Variants in SFSWAP observed in about 807,000 individuals in gnomAD.
The protein encoded by SFSWAP is splicing factor SWAP, also known as splicing factor, suppressor of white-apricot homolog.
A neutral mutation model predicts 100.7 loss-of-function variants in SFSWAP; 17 were observed. The ratio of observed to expected loss-of-function variants is 0.17; its 90% CI spans 0.12 to 0.25. The LOEUF is 0.25. SFSWAP is among the 10% of genes least tolerant of loss of function. The probability of loss-of-function intolerance (pLI) is 1.00; values close to 1 mark genes in which losing one functional copy is unlikely to be tolerated. For synonymous variants in SFSWAP, 504 were observed against 510.1 expected (o/e 0.99, Z 0.16); for missense variants, 1,005 against 1,262.6 (o/e 0.80, Z 3.09).
chr12:131,765,182 T>A (rs1883010125), intron 12 of SFSWAP, among the ~76,000 whole-genome samples: 1 of 152,264 alleles, frequency 6.6e-6, no homozygotes, highest in South Asian at 2.1e-4. Flanking sequence ...CCAACACTGC[T>A]GGCAGCATGG....
At position 131,725,787 on chromosome 12, in the gene SFSWAP, C is replaced by T. The variant is rs1348709854; in HGVS notation, c.832+157C>T. ...CTAGAATGTGTCTGAAATCCTGCAG[C>T]TAAGGCGTGATCGTTACCCCTGCTG... On this transcript the variant is annotated intron_variant, in intron 5 of 17. Transcript: ENST00000261674. This position sits in a 1 kb window ranked among gnomAD's most constrained non-coding sequence, Gnocchi z 4.3. Among the ~76,000 whole-genome samples the T allele has an allele frequency of 1.3e-5, 2 of 152,142 alleles. No homozygotes were observed. Among genetic ancestry groups the T allele is most frequent in the African/African-American group, 2.4e-5 (1 of 41,432 alleles).
intron 7 of SFSWAP, among the ~76,000 whole-genome samples, chr12:131,738,047 C>G (rs949659484): frequency 6.6e-6 from 1 of 151,822 alleles, no homozygotes; most frequent in Non-Finnish European, 1.5e-5. Context: ...ACTGTGATAG[C>G]CTGTGGGTTT....
At chr12:131,713,920 T>A in intron 1 of SFSWAP, 151 bp from the exon 2 acceptor site, 1 of 463,120 alleles carries the variant, frequency 2.2e-6, no homozygotes, top group African/African-American at 2.0e-5. Context: ...AATATAAATC[T>A]GGGAAGAGTT....
rs1271096721 is a variant in SFSWAP at position 131,711,777 on chromosome 12, C to T, written c.218+330C>T. 1 of 293,470 alleles carries T rather than the reference C, an allele frequency of 3.4e-6. No homozygotes were observed. Among genetic ancestry groups the T allele is most frequent in the Non-Finnish European group, 6.6e-6 (1 of 152,626 alleles). The allele number at this position is 293,470 out of a possible 1,614,324, so 18.2% of individuals were successfully genotyped here. On this transcript the variant is annotated intron_variant, in intron 1 of 17. Transcript: ENST00000261674. The surrounding 1 kb of genome is among the most constrained non-coding windows in gnomAD (Gnocchi z 4.9). ...AAGCAGCCAGTGCCCAGGGTCTTTT[C>T]CTGAGTGCACCTGGGCCTGCCGCCC... is the stretch of plus-strand genomic sequence containing the variant.
Position 131,794,713 on chromosome 12 carries a change from C to T in SFSWAP, c.2535-2465C>T, listed in dbSNP as rs1885506856. On this transcript the variant is annotated intron_variant, in intron 15 of 17. Coordinates refer to ENST00000261674, the MANE Select transcript of SFSWAP (RefSeq NM_004592.4). This position sits in a 1 kb window ranked among gnomAD's most constrained non-coding sequence, Gnocchi z 4.8. ...TGAGGAGCCTTCTGGAATGAAGGGA[C>T]GCCCCTGCGTGGATAAGGCCCAGGT... Among the ~76,000 whole-genome samples the T allele has an allele frequency of 6.6e-6, 1 of 152,174 alleles. No homozygotes were observed. The highest frequency in any genetic ancestry group is 1.5e-5 in the Non-Finnish European group (1 of 68,038).
chr12:131,787,305 G>A (rs555823884), intron 15 of SFSWAP, among the ~76,000 whole-genome samples: 7 of 152,264 alleles, frequency 4.6e-5, no homozygotes, highest in Admixed American at 3.9e-4. Flanking sequence ...CGCTCACCCC[G>A]GCTTCCAGTA....
intron 3 of SFSWAP, among the ~76,000 whole-genome samples, chr12:131,715,368 C>A (rs2136174446): frequency 6.6e-6 from 1 of 152,198 alleles, no homozygotes; most frequent in African/African-American, 2.4e-5. Context: ...TGACACATGC[C>A]CAGTGGAAGG....
At chr12:131,752,989 GA>G (rs1881792055) in intron 7 of SFSWAP, 133 bp from the exon 8 acceptor site, 2 of 1,351,284 alleles carry the variant, frequency 1.5e-6, no homozygotes, top group African/African-American at 2.9e-5. Context: ...GAAAAATCTA[GA>G]AAACAGCATG....
intron 7 of SFSWAP, among the ~76,000 whole-genome samples, chr12:131,750,878 A>T: frequency 6.9e-6 from 1 of 145,234 alleles, no homozygotes; most frequent in Non-Finnish European, 1.6e-5. Context: ...TATTTTTTGG[A>T]GATGGGGTCT....
At chr12:131,747,653 A>G (rs926242694) in intron 7 of SFSWAP, among the ~76,000 whole-genome samples, 1 of 152,114 alleles carries the variant, frequency 6.6e-6, no homozygotes, top group Non-Finnish European at 1.5e-5. Context: ...GGCAGGACTC[A>G]GAGCTGAATC....
intron 14 of SFSWAP, chr12:131,785,409 A>G: frequency 1.9e-6 from 1 of 518,734 alleles, no homozygotes; most frequent in Non-Finnish European, 3.4e-6. Context: ...GTTTATTGTC[A>G]TGAAAATGAT....
chr12:131,758,044 C>G (rs570106322), intron 11 of SFSWAP: 1 of 152,818 alleles, frequency 6.5e-6, no homozygotes, highest in Non-Finnish European at 1.5e-5. Context: ...CTGGAACAAG[C>G]TGGGAGCTTC....
Position 131,714,160 on chromosome 12 carries a change from A to T in SFSWAP, c.308A>T (p.Glu103Val), listed in dbSNP as rs1381277182. The change falls in exon 2 of 18, where the codon GAG (glutamate) becomes GTG (valine). Residue 103 changes from glutamate to valine, a missense_variant. Physicochemically the swap from Glu to Val is moderately radical, Grantham distance 121 (BLOSUM62 -2). Coordinates refer to ENST00000261674, the MANE Select transcript of SFSWAP (RefSeq NM_004592.4). The surrounding 1 kb of genome is among the most constrained non-coding windows in gnomAD (Gnocchi z 6.0). ...WNRDYQLSEE[E>V]ARIEALCDEE... ...AGAGATTATCAGCTGTCTGAAGAGG[A>T]GGCGCGAATAGAGGCCCTGTGTGAT... is the stretch of plus-strand genomic sequence containing the variant. 2 of 1,614,066 alleles carry T rather than the reference A, an allele frequency of 1.2e-6. No individual in the cohort carries two copies.
intron 7 of SFSWAP, among the ~76,000 whole-genome samples, chr12:131,737,889 C>T (rs886254348): frequency 2.0e-5 from 3 of 151,888 alleles, no homozygotes; most frequent in African/African-American, 7.3e-5. Flanking sequence ...CAATTTATTT[C>T]ATTTATTAAT....
intron 11 of SFSWAP, among the ~76,000 whole-genome samples, chr12:131,763,685 G>A (rs959732829): frequency 6.6e-6 from 1 of 152,102 alleles, no homozygotes; most frequent in Admixed American, 6.6e-5. Flanking sequence ...ATAAAGGCAT[G>A]GATTCTGTAA....
At chr12:131,743,725 G>A (rs934607429) in intron 7 of SFSWAP, among the ~76,000 whole-genome samples, 2 of 152,246 alleles carry the variant, frequency 1.3e-5, no homozygotes, top group Non-Finnish European at 2.9e-5. Flanking sequence ...TACCCCAGTA[G>A]GGACTCTCTG....
chr12:131,755,521 T>C, intron 10 of SFSWAP, 42 bp downstream of exon 10: 1 of 1,405,474 alleles, frequency 7.1e-7, no homozygotes, highest in Non-Finnish European at 1.0e-6. Flanking sequence ...CTCTTAGAGG[T>C]GGCTCCGCCT....
At chr12:131,771,155 G>C (rs974552713) in intron 13 of SFSWAP, among the ~76,000 whole-genome samples, 30 of 152,142 alleles carry the variant, frequency 2.0e-4, no homozygotes, top group Non-Finnish European at 4.1e-4. Context: ...AACCTCATAG[G>C]GGATCATACC....
At chr12:131,748,106 C>T (rs1399071915) in intron 7 of SFSWAP, among the ~76,000 whole-genome samples, 1 of 152,180 alleles carries the variant, frequency 6.6e-6, no homozygotes, top group African/African-American at 2.4e-5. Context: ...CAGCTAGTTA[C>T]ATTTGCCTGG....
Sources: allele counts gnomAD v4.1 joint callset (sites outside exome capture counted in the v4.1 genomes callset), GRCh38; gene constraint gnomAD v4.1.1; non-coding constraint Gnocchi (gnomAD v3.1); transcripts MANE v1.5; gene names NCBI Gene and HGNC (gene_info 2026-07-23, HGNC 2026-07-21).